The following ACSS2 variants were observed in gnomAD, a reference collection of about 807,000 sequenced individuals.
ACSS2 encodes acetyl-coenzyme A synthetase, cytoplasmic.
A neutral mutation model predicts 90.6 loss-of-function variants in ACSS2; 58 were observed. The observed-to-expected ratio is 0.64, with a 90% CI of 0.52 to 0.80. The LOEUF (loss-of-function observed/expected upper bound fraction) is 0.80. ACSS2 is among the 30% of genes least tolerant of loss of function. The pLI is 0.00. For synonymous variants in ACSS2, 300 were observed against 330.9 expected, an observed-to-expected ratio of 0.91 and a Z score of 1.01; for missense variants, 759 against 912.0, an observed-to-expected ratio of 0.83 and a Z score of 2.16.
chr20:34,899,464 TTCC>T, intron 2 of ACSS2, among the ~76,000 whole-genome samples: 1 of 139,670 alleles, frequency 7.2e-6, no homozygotes, highest in Non-Finnish European at 1.6e-5. Flanking sequence ...CCTTCCTTCC[TTCC>T]TTTCTTTTTC....
Position 34,881,582 on chromosome 20 carries a change from T to G in ACSS2, c.179-1212T>G, listed in dbSNP as rs531572768. Among the ~76,000 whole-genome samples, 4 of 152,328 alleles carry G rather than the reference T, an allele frequency of 2.6e-5. No individual in the cohort carries two copies. The South Asian group carries it at 8.3e-4, about 32-fold the overall frequency. ...GCATCAATTCCTGCTATTCTTTCCC[T>G]TATTCTCAGTGTTTCAGCCTCAAGG... On this transcript the variant is annotated intron_variant, in intron 1 of 17. Transcript: ENST00000360596.
At chr20:34,888,409 C>T (rs1395492576) in intron 2 of ACSS2, among the ~76,000 whole-genome samples, 2 of 152,152 alleles carry the variant, frequency 1.3e-5, no homozygotes, top group Non-Finnish European at 2.9e-5. Flanking sequence ...ATTGAATGCA[C>T]TTAAATATTA....
intron 2 of ACSS2, among the ~76,000 whole-genome samples, chr20:34,887,340 T>C (rs1193260383): frequency 6.6e-6 from 1 of 152,232 alleles, no homozygotes; most frequent in African/African-American, 2.4e-5. Context: ...ATTAGCCACA[T>C]TAGCCAAACT....
chr20:34,884,994 G>A (rs1426661460), intron 2 of ACSS2, among the ~76,000 whole-genome samples: 1 of 152,200 alleles, frequency 6.6e-6, no homozygotes, highest in Admixed American at 6.5e-5. Flanking sequence ...GAGCTCAAGA[G>A]TTCGAGACCA....
chr20:34,922,035 G>C, intron 13 of ACSS2, 169 bp downstream of exon 13: 1 of 1,382,232 alleles, frequency 7.2e-7, no homozygotes, highest in Non-Finnish European at 9.3e-7. Flanking sequence ...TCGATACTTT[G>C]CCTGCATCTC....
At chr20:34,881,329 GC>G (rs765804821) in intron 1 of ACSS2, among the ~76,000 whole-genome samples, 4 of 152,014 alleles carry the variant, frequency 2.6e-5, no homozygotes, top group Middle Eastern at 3.4e-3. Context: ...GAGCCACAGT[GC>G]CTGGCATCCT....
intron 2 of ACSS2, among the ~76,000 whole-genome samples, chr20:34,905,615 A>T (rs553711752): frequency 6.1e-4 from 93 of 152,332 alleles, no homozygotes; most frequent in African/African-American, 2.1e-3. Flanking sequence ...AATCGAAAAA[A>T]TTGACAACAT....
chr20:34,879,841 T>C (rs2080028128), intron 1 of ACSS2, among the ~76,000 whole-genome samples: 1 of 152,226 alleles, frequency 6.6e-6, no homozygotes, highest in Non-Finnish European at 1.5e-5. Flanking sequence ...CTTGAAAATA[T>C]TTTTGAGTAT....
intron 1 of ACSS2, among the ~76,000 whole-genome samples, chr20:34,879,362 C>T: frequency 6.6e-6 from 1 of 151,902 alleles, no homozygotes; most frequent in Non-Finnish European, 1.5e-5. Flanking sequence ...TGTTCATTTC[C>T]TTCTGCTTCT....
chr20:34,912,183 A>G (rs976931233), intron 2 of ACSS2, among the ~76,000 whole-genome samples: 2 of 152,272 alleles, frequency 1.3e-5, no homozygotes, highest in African/African-American at 2.4e-5. Flanking sequence ...AAATGAATGC[A>G]TGAAGGAATG....
Position 34,921,110 on chromosome 20 carries a change from C to T in ACSS2, c.1248C>T (p.Leu416=), listed in dbSNP as rs1696761599. The change falls in exon 10 of 18, where the codon CTC becomes CTT. Residue 416 remains leucine (L), a synonymous_variant. Coordinates refer to ENST00000360596, the MANE Select transcript of ACSS2 (RefSeq NM_018677.4). ...CAGCACCCACAGCCATCCGTCTGCT[C>T]ATGAAGTTTGGAGATGAGCCTGTCA... The part of the protein sequence containing the change: ...FYTAPTAIRL[L]MKFGDEPVTK... 1.2e-6 allele frequency: 2 copies of T among 1,614,208 alleles called. No individual in the cohort carries two copies. The highest frequency in any genetic ancestry group is 1.7e-6 in the Non-Finnish European group (2 of 1,180,042).
At chr20:34,904,945 C>T (rs1387404226) in intron 2 of ACSS2, among the ~76,000 whole-genome samples, 2 of 122,004 alleles carry the variant, frequency 1.6e-5, no homozygotes, top group African/African-American at 6.6e-5. Flanking sequence ...AGGGGCGAGA[C>T]AGGGTCTCTG....
chr20:34,882,752 C>A, intron 1 of ACSS2, 42 bp from the exon 2 acceptor site: 1 of 1,592,324 alleles, frequency 6.3e-7, no homozygotes, highest in Non-Finnish European at 8.6e-7. Context: ...CTAAATATGT[C>A]TCAGAAGATT....
At chr20:34,876,534 C>G, upstream of ACSS2, 7 of 1,239,038 alleles carry the variant, frequency 5.6e-6, no homozygotes, top group South Asian at 2.0e-4. Flanking sequence ...CACTCCCCCA[C>G]TCACCAGGCC....
In ACSS2 at chr20:34,878,895, C is replaced by CT. The variant is rs11299664; in HGVS notation, c.178+2088dup. The stretch of plus-strand genomic sequence containing the variant: ...AGTTTCTAATTAAAATTCTGCTTTT[C>CT]TTTTTTTTTTTTTTTTCTTTTTTTT... On this transcript the variant is annotated intron_variant, in intron 1 of 17. Transcript: ENST00000360596. Among the ~76,000 whole-genome samples, 536 of 128,052 alleles carry CT rather than the reference C, an allele frequency of 4.2e-3. 2 individuals are homozygous for CT. The highest frequency in any genetic ancestry group is 0.012 in the Middle Eastern group (3 of 254). The allele number at this position is 128,052 out of a possible 152,430, so 84.0% of individuals were successfully genotyped here. A position where few individuals can be genotyped will look rare whatever the true frequency, so the allele number is the denominator to read the frequency against.
chr20:34,892,848 G>A lies in ACSS2; in HGVS notation c.374+9859G>A, dbSNP rs189504237. On this transcript the variant is annotated intron_variant, in intron 2 of 17. Coordinates refer to ENST00000360596, the MANE Select transcript of ACSS2 (RefSeq NM_018677.4). ...GAGGTGTGTGTCTGGAATCCCTAGGGATTTGCAAAGCTCAGTTTGAAAACC... is the reference window on the plus strand; with the variant it reads ...GAGGTGTGTGTCTGGAATCCCTAGGAATTTGCAAAGCTCAGTTTGAAAACC... Among the ~76,000 whole-genome samples, 120 of 152,248 alleles carry A rather than the reference G, an allele frequency of 7.9e-4. 1 individual carries two copies. The highest frequency in any genetic ancestry group is 3.4e-3 in the Middle Eastern group (1 of 294).
chr20:34,876,883 G>A, intron 1 of ACSS2, 60 bp downstream of exon 1: 7 of 1,137,656 alleles, frequency 6.2e-6, no homozygotes, highest in Non-Finnish European at 7.8e-6. Context: ...GGGCTCCCTG[G>A]GGGAGTCGGG....
chr20:34,877,847 AAAG>A (rs1158804244), intron 1 of ACSS2, among the ~76,000 whole-genome samples: 1 of 147,088 alleles, frequency 6.8e-6, no homozygotes, highest in East Asian at 1.9e-4. Flanking sequence ...AAAAAAAAAA[AAAG>A]GTATAAGGAA....
At chr20:34,900,568 C>T (rs556995999) in intron 2 of ACSS2, among the ~76,000 whole-genome samples, 5 of 152,228 alleles carry the variant, frequency 3.3e-5, no homozygotes, top group African/African-American at 1.2e-4. Flanking sequence ...AAATAGTCCA[C>T]TGATTGAGGC....
Sources: allele counts gnomAD v4.1 joint callset (sites outside exome capture counted in the v4.1 genomes callset), GRCh38; gene constraint gnomAD v4.1.1; transcripts MANE v1.5; gene names NCBI Gene and HGNC (gene_info 2026-07-23, HGNC 2026-07-21).